EDARADD: variants seen among roughly 807,000 people sequenced by gnomAD.
The protein encoded by EDARADD is ectodysplasin-A receptor-associated adapter protein.
EDARADD carries 20 observed loss-of-function variants against 25.6 expected under a neutral mutation model. That is an observed-to-expected ratio of 0.78 (90% CI 0.55 to 1.14). The LOEUF is 1.14. Ranked by LOEUF, EDARADD falls within the 50% of genes most tolerant of loss-of-function variation. The probability of loss-of-function intolerance (pLI) is 0.00; values close to 1 mark genes in which losing one functional copy is unlikely to be tolerated. For missense variants in EDARADD, 225 were observed against 270.1 expected, an observed-to-expected ratio of 0.83 and a Z score of 1.17; for synonymous variants, 86 against 94.4, an observed-to-expected ratio of 0.91 and a Z score of 0.52.
At chr1:236,467,422 A>ACG (rs1553270554) in intron 4 of EDARADD, among the ~76,000 whole-genome samples, 81 of 113,794 alleles carry the variant, frequency 7.1e-4, no homozygotes, top group Non-Finnish European at 4.7e-4. Context: ...AAGCACACAC[A>ACG]CGCGCACACA....
chr1:236,479,503 A>G, intron 5 of EDARADD, among the ~76,000 whole-genome samples: 1 of 144,072 alleles, frequency 6.9e-6, no homozygotes, highest in Middle Eastern at 3.7e-3. Flanking sequence ...TCAAAAAAAA[A>G]GAAAAAAAAA....
At chr1:236,421,302 G>T (rs1387718880) in intron 3 of EDARADD, among the ~76,000 whole-genome samples, 1 of 145,768 alleles carries the variant, frequency 6.9e-6, no homozygotes, top group Non-Finnish European at 1.5e-5. Flanking sequence ...CCTCCTGGTT[G>T]TCAGGATGTG....
At chr1:236,454,261 G>A (rs1204721507) in intron 4 of EDARADD, among the ~76,000 whole-genome samples, 1 of 152,158 alleles carries the variant, frequency 6.6e-6, no homozygotes, top group Non-Finnish European at 1.5e-5. Context: ...TGTTAGCCAA[G>A]ATGGTCTCGA....
chr1:236,449,919 G>A (rs543281761), intron 4 of EDARADD, among the ~76,000 whole-genome samples: 49 of 152,190 alleles, frequency 3.2e-4, no homozygotes, highest in Non-Finnish European at 6.0e-4. Context: ...TGGCCAACAT[G>A]GCGAAACCCC....
At chr1:236,389,966 T>C (rs1232979152), upstream of EDARADD, among the ~76,000 whole-genome samples, 1 of 152,062 alleles carries the variant, frequency 6.6e-6, no homozygotes, top group Non-Finnish European at 1.5e-5. Flanking sequence ...GCTGTGATCA[T>C]GCCACTACAC....
intron 4 of EDARADD, among the ~76,000 whole-genome samples, chr1:236,448,500 G>A (rs566366376): frequency 3.3e-5 from 5 of 152,288 alleles, no homozygotes; most frequent in Admixed American, 3.3e-4. Flanking sequence ...GAGCATGAGA[G>A]AGCATATTCC....
Position 236,401,306 on chromosome 1 carries a change from G to A in EDARADD, c.61+6801G>A, listed in dbSNP as rs373259405. On this transcript the variant is annotated intron_variant, in intron 1 of 5. Transcript: ENST00000334232. The stretch of plus-strand genomic sequence containing the variant: ...TTCTTCACTAGAAAGCACAGTGACT[G>A]CACTTTTCTGGCTCAGGATGCTTGG... Among the ~76,000 whole-genome samples, 6 of 152,322 alleles carry A rather than the reference G, an allele frequency of 3.9e-5. No individual in the cohort carries two copies. In the East Asian group the frequency reaches 9.6e-4, roughly 24 times the overall value.
intron 3 of EDARADD, among the ~76,000 whole-genome samples, chr1:236,363,636 T>C (rs888890858): frequency 1.3e-5 from 2 of 151,880 alleles, no homozygotes; most frequent in Non-Finnish European, 2.9e-5. Context: ...TCAAGCGATT[T>C]TCCTACCTCA....
chr1:236,470,124 T>A (rs1195688671), intron 5 of EDARADD, among the ~76,000 whole-genome samples: 1 of 152,200 alleles, frequency 6.6e-6, no homozygotes, highest in Admixed American at 6.5e-5. Flanking sequence ...CACTATCCTA[T>A]ATTTCTAAAA....
At chr1:236,468,336 A>G in intron 5 of EDARADD, 60 bp downstream of exon 5, 1 of 1,572,106 alleles carries the variant, frequency 6.4e-7, no homozygotes, top group Non-Finnish European at 8.8e-7. Context: ...ATAAAAGATA[A>G]TTTGAGGCCA....
chr1:236,464,837 T>C (rs1296983679), intron 4 of EDARADD, among the ~76,000 whole-genome samples: 1 of 152,186 alleles, frequency 6.6e-6, no homozygotes, highest in Non-Finnish European at 1.5e-5. Context: ...AGTGTCCTTC[T>C]CAGGTCCTTC....
chr1:236,385,430 AAT>A (rs1359886693), intron 3 of EDARADD, among the ~76,000 whole-genome samples: 5 of 11,172 alleles, frequency 4.5e-4, no homozygotes, highest in Non-Finnish European at 4.2e-4. Flanking sequence ...AAAAAAAAAA[AAT>A]GCTCTTCCAG....
Position 236,482,392 on chromosome 1 carries a change from C to G in EDARADD, c.391C>G (p.Pro131Ala), listed in dbSNP as rs772349212. 7 of 1,614,162 alleles carry G rather than the reference C, an allele frequency of 4.3e-6. No homozygotes were observed. The East Asian group carries it at 1.6e-4, about 36-fold the overall frequency. Residue 131 changes from proline to alanine, a missense_variant, in exon 6 of 6, where the codon CCG becomes GCG. Transcript: ENST00000334232. ...AGACGTGATCAGGATAAAGCTGGAT[C>G]CGTGTCACCCAACGGTGAAAAACTG... is the stretch of plus-strand genomic sequence containing the variant. Reference protein sequence around the residue: ...LLDVIRIKLDPCHPTVKNWRN... With the variant: ...LLDVIRIKLDACHPTVKNWRN...
intron 3 of EDARADD, among the ~76,000 whole-genome samples, chr1:236,374,640 CTTTA>C (rs1349395914): frequency 1.3e-5 from 2 of 152,058 alleles, no homozygotes; most frequent in African/African-American, 4.8e-5. Flanking sequence ...TAATTGACCC[CTTTA>C]TTATTATGTA....
chr1:236,405,877 C>CCT (rs1553265554), intron 1 of EDARADD, among the ~76,000 whole-genome samples: 13 of 31,242 alleles, frequency 4.2e-4, no homozygotes, highest in African/African-American at 1.4e-3. Context: ...TTCCTTCCTT[C>CCT]TTTCTTTCTT....
chr1:236,409,085 AAAGG>A, intron 1 of EDARADD, 127 bp from the exon 2 acceptor site: 1 of 507,378 alleles, frequency 2.0e-6, no homozygotes, highest in Non-Finnish European at 3.4e-6. Context: ...AAAAAAAAAA[AAAGG>A]AGTAAGGTTT....
intron 5 of EDARADD, among the ~76,000 whole-genome samples, chr1:236,468,815 G>C (rs1204936925): frequency 1.3e-5 from 2 of 152,162 alleles, no homozygotes. Flanking sequence ...GCACGGCAGG[G>C]TTCTGAATGG....
At chr1:236,465,138 T>C (rs919430564) in intron 4 of EDARADD, among the ~76,000 whole-genome samples, 2 of 151,946 alleles carry the variant, frequency 1.3e-5, no homozygotes, top group African/African-American at 4.8e-5. Context: ...TGATGCGGAG[T>C]CTCATTAATC....
At chr1:236,352,841 C>T (rs1265791364) in intron 3 of EDARADD, among the ~76,000 whole-genome samples, 1 of 148,334 alleles carries the variant, frequency 6.7e-6, no homozygotes, top group African/African-American at 2.5e-5. Context: ...GAGTAAAACT[C>T]CATCTCATAA....
Sources: gnomAD v4.1 joint callset for allele counts (sites outside exome capture counted in the v4.1 genomes callset) on GRCh38, gnomAD v4.1.1 for gene constraint, MANE v1.5 for transcripts, NCBI Gene and HGNC (gene_info 2026-07-23, HGNC 2026-07-21) for gene names.